The following NSMCE2 variants were observed in gnomAD, a reference collection of about 807,000 sequenced individuals.
NSMCE2 encodes the protein E3 SUMO-protein ligase NSE2.
A neutral mutation model predicts 23.8 loss-of-function variants in NSMCE2; 24 were observed. That is an observed-to-expected ratio of 1.01 (90% confidence interval 0.73 to 1.42). NSMCE2 has a LOEUF of 1.42. Ranked by LOEUF, NSMCE2 falls within the 40% of genes most tolerant of loss-of-function variation. NSMCE2 has a pLI of 0.00. For synonymous variants in NSMCE2, 92 were observed against 94.1 expected (o/e 0.98, Z 0.13); for missense variants, 284 against 296.5 (o/e 0.96, Z 0.31).
chr8:125,128,088 C>T (rs1171463666), intron 3 of NSMCE2, among the ~76,000 whole-genome samples: 1 of 152,150 alleles, frequency 6.6e-6, no homozygotes, highest in Non-Finnish European at 1.5e-5. Flanking sequence ...GGCCATTGTG[C>T]TTTGAGCAGA....
At chr8:125,314,845 C>T (rs1311165630) in intron 5 of NSMCE2, among the ~76,000 whole-genome samples, 3 of 152,102 alleles carry the variant, frequency 2.0e-5, no homozygotes, top group Admixed American at 1.3e-4. Flanking sequence ...CTGGATGAAG[C>T]CCTATGGGGA....
chr8:125,098,455 G>C (rs943075019), intron 1 of NSMCE2, among the ~76,000 whole-genome samples: 1 of 152,108 alleles, frequency 6.6e-6, no homozygotes, highest in Non-Finnish European at 1.5e-5. Context: ...GGAGTCACAT[G>C]ATCTTACGTA....
At position 125,200,059 on chromosome 8, in the gene NSMCE2, A is replaced by C. The variant is rs186545853; in HGVS notation, c.418+17803A>C. Among the ~76,000 whole-genome samples, 46 of 152,226 alleles carry C rather than the reference A, an allele frequency of 3.0e-4. No individual in the cohort carries two copies. The East Asian group carries it at 8.5e-3, about 28-fold the overall frequency. ...TCCTCCATCCCTTTATTTTGAGCCT[A>C]TGTGTGTCTCTGCACATGAGATGGG... On this transcript the variant is annotated intron_variant, in intron 5 of 7. Coordinates refer to ENST00000287437, the MANE Select transcript of NSMCE2 (RefSeq NM_173685.4).
intron 5 of NSMCE2, among the ~76,000 whole-genome samples, chr8:125,305,564 A>C (rs1286927829): frequency 6.6e-6 from 1 of 152,174 alleles, no homozygotes. Context: ...GGAAATAAGA[A>C]AATGTGGGTG....
At chr8:125,217,363 T>C (rs1160738398) in intron 5 of NSMCE2, among the ~76,000 whole-genome samples, 1 of 151,488 alleles carries the variant, frequency 6.6e-6, no homozygotes, top group African/African-American at 2.4e-5. Flanking sequence ...TTATTTATTT[T>C]TTATTTATTT....
rs552063906 is a variant in NSMCE2, at chr8:125,315,107, G to A, written c.419-42112G>A. On this transcript the variant is annotated intron_variant, in intron 5 of 7. Coordinates refer to ENST00000287437, the MANE Select transcript of NSMCE2 (RefSeq NM_173685.4). ...TCATCATGACTTTTCTCATTGACTAGAATCTTTTTTTTTTCTTTTTTCTTT... is the reference window on the plus strand; with the variant it reads ...TCATCATGACTTTTCTCATTGACTAAAATCTTTTTTTTTTCTTTTTTCTTT... 2.1e-4 allele frequency among the ~76,000 whole-genome samples: 25 copies of A among 121,628 alleles called. 1 individual carries two copies. In the South Asian group the frequency reaches 2.3e-3, roughly 11 times the overall value. 79.8% of individuals were successfully genotyped at this position (121,628 alleles called of 152,430 possible). A position where few individuals can be genotyped will look rare whatever the true frequency, so the allele number is the denominator to read the frequency against.
chr8:125,245,036 A>G (rs1021107481), intron 5 of NSMCE2, among the ~76,000 whole-genome samples: 2 of 152,184 alleles, frequency 1.3e-5, no homozygotes, highest in African/African-American at 4.8e-5. Context: ...TAATCCCAAC[A>G]CTTCAGGAGG....
chr8:125,346,740 C>A (rs978670782), intron 5 of NSMCE2, among the ~76,000 whole-genome samples: 1 of 152,104 alleles, frequency 6.6e-6, no homozygotes, highest in African/African-American at 2.4e-5. Context: ...TATTGTATGA[C>A]CAAATCTTAA....
chr8:125,204,675 A>C (rs532826812), intron 5 of NSMCE2, among the ~76,000 whole-genome samples: 1 of 152,342 alleles, frequency 6.6e-6, no homozygotes, highest in East Asian at 1.9e-4. Context: ...TACCAAAAGC[A>C]GAAAATTCCT....
chr8:125,215,271 T>C, intron 5 of NSMCE2, among the ~76,000 whole-genome samples: 1 of 143,256 alleles, frequency 7.0e-6, no homozygotes, highest in South Asian at 2.3e-4. Context: ...AATTCCCACC[T>C]ATGAGTGAGA....
At chr8:125,322,348 T>C (rs942549087) in intron 5 of NSMCE2, among the ~76,000 whole-genome samples, 2 of 151,866 alleles carry the variant, frequency 1.3e-5, no homozygotes, top group Non-Finnish European at 2.9e-5. Flanking sequence ...AGTCTGAGAG[T>C]GAGTGAAGCA....
intron 7 of NSMCE2, among the ~76,000 whole-genome samples, chr8:125,365,729 C>A (rs766903372): frequency 6.6e-6 from 1 of 152,014 alleles, no homozygotes; most frequent in Non-Finnish European, 1.5e-5. Context: ...TGGTGGCAGG[C>A]GCCTGTAATC....
At chr8:125,213,432 G>A (rs1824430647) in intron 5 of NSMCE2, among the ~76,000 whole-genome samples, 2 of 151,674 alleles carry the variant, frequency 1.3e-5, no homozygotes, top group African/African-American at 4.8e-5. Context: ...TTTGTGTGGA[G>A]TGATTTAGCT....
chr8:125,233,381 C>T (rs1036701454), intron 5 of NSMCE2, among the ~76,000 whole-genome samples: 1 of 152,026 alleles, frequency 6.6e-6, no homozygotes, highest in African/African-American at 2.4e-5. Flanking sequence ...CTCATAAGAA[C>T]AAATACAAAT....
chr8:125,273,084 C>T (rs10112737), intron 5 of NSMCE2, among the ~76,000 whole-genome samples: 95,527 of 151,908 alleles, frequency 0.63, 32,244 homozygotes, highest in Non-Finnish European at 0.75. Context: ...TAAATGGTTG[C>T]TGTTACTTTT....
rs1554636333 is a variant in NSMCE2 at position 125,312,090 on chromosome 8, A to AG, written c.419-45129_419-45128insG. ...CCATCTCAATTAAAAAAAAAAAAAA[A>AG]AAAGAAAGAAAAGAAAAGAAGATAA... On this transcript the variant is annotated intron_variant, in intron 5 of 7. Coordinates refer to ENST00000287437, the MANE Select transcript of NSMCE2 (RefSeq NM_173685.4). Among the ~76,000 whole-genome samples, 36 of 148,948 alleles carry AG rather than the reference A, an allele frequency of 2.4e-4. 1 individual carries two copies. Among genetic ancestry groups the AG allele is most frequent in the African/African-American group, 2.9e-4 (12 of 41,242 alleles).
intron 5 of NSMCE2, among the ~76,000 whole-genome samples, chr8:125,305,524 A>G (rs549267155): frequency 6.6e-6 from 1 of 152,316 alleles, no homozygotes; most frequent in South Asian, 2.1e-4. Context: ...CAGCTGGAAA[A>G]TCAGACCTGT....
chr8:125,224,703 G>A (rs1197123062), intron 5 of NSMCE2, among the ~76,000 whole-genome samples: 1 of 152,152 alleles, frequency 6.6e-6, no homozygotes, highest in Non-Finnish European at 1.5e-5. Context: ...TGACCTTTGA[G>A]TACTTCCTAT....
intron 3 of NSMCE2, among the ~76,000 whole-genome samples, chr8:125,150,422 C>CTTTTTTTTTTTTTTTT (rs1820933390): frequency 1.1e-5 from 1 of 93,916 alleles, no homozygotes; most frequent in Non-Finnish European, 2.2e-5. Flanking sequence ...TCTTTTCTTT[C>CTTTTTTTTTTTTTTTT]TTTCTTTTTT....
Sources: gnomAD v4.1 joint callset for allele counts (sites outside exome capture counted in the v4.1 genomes callset) on GRCh38, gnomAD v4.1.1 for gene constraint, MANE v1.5 for transcripts, NCBI Gene and HGNC (gene_info 2026-07-23, HGNC 2026-07-21) for gene names.